The following SOX5 variants were observed in gnomAD, a reference collection of about 807,000 sequenced individuals.
SOX5 encodes transcription factor SOX-5.
In SOX5, 9 loss-of-function variants were observed where a neutral mutation model predicts 92.0. The observed-to-expected ratio is 0.10, with a 90% CI of 0.06 to 0.17. The LOEUF (loss-of-function observed/expected upper bound fraction) is 0.17. SOX5 is among the 10% of genes least tolerant of loss of function. SOX5 has a pLI of 1.00. For missense variants in SOX5, 642 were observed against 944.5 expected, an observed-to-expected ratio of 0.68 and a Z score of 4.20; for synonymous variants, 344 against 336.3, an observed-to-expected ratio of 1.02 and a Z score of -0.25.
At position 23,786,354 on chromosome 12, in the gene SOX5, C is replaced by T. The variant is rs185491061; in HGVS notation, c.482-30630G>A. Among the ~76,000 whole-genome samples, 133 of 152,004 alleles carry T rather than the reference C, an allele frequency of 8.7e-4. 1 individual carries two copies. The highest frequency in any genetic ancestry group is 5.0e-3 in the Admixed American group (76 of 15,268). Reference sequence around the variant, plus strand: ...ATAAAAAGTCCTTGTTTTAAACATACATTTTTCTTTTCAGGAATGATAATT... The same window carrying T: ...ATAAAAAGTCCTTGTTTTAAACATATATTTTTCTTTTCAGGAATGATAATT... On this transcript the variant is annotated intron_variant, in intron 3 of 14. Transcript: ENST00000451604.
At chr12:23,669,833 G>A (rs995372795) in intron 6 of SOX5, among the ~76,000 whole-genome samples, 1 of 152,146 alleles carries the variant, frequency 6.6e-6, no homozygotes, top group Admixed American at 6.6e-5. Context: ...ATATGACGTG[G>A]CTGAGGTGGC....
At chr12:24,001,042 A>C (rs534326826) in intron 4 of SOX5, among the ~76,000 whole-genome samples, 6 of 152,178 alleles carry the variant, frequency 3.9e-5, no homozygotes, top group Non-Finnish European at 8.8e-5. Flanking sequence ...CCATAAAAAA[A>C]GTTTTCATGA....
intron 2 of SOX5, among the ~76,000 whole-genome samples, chr12:23,884,374 A>G (rs1399088215): frequency 6.6e-6 from 1 of 152,228 alleles, no homozygotes; most frequent in Non-Finnish European, 1.5e-5. Flanking sequence ...ACACAAATTA[A>G]TATATTAATA....
chr12:23,668,472 G>T (rs2084215029), intron 6 of SOX5, among the ~76,000 whole-genome samples: 1 of 152,058 alleles, frequency 6.6e-6, no homozygotes, highest in East Asian at 1.9e-4. Flanking sequence ...CCAACATTTG[G>T]GAGAAAAGGA....
chr12:23,642,181 G>A (rs140128867), intron 7 of SOX5, among the ~76,000 whole-genome samples: 13 of 152,212 alleles, frequency 8.5e-5, no homozygotes, highest in East Asian at 1.9e-4. Context: ...GTTTGTGTGC[G>A]TGTCTGAGCA....
At chr12:24,500,716 C>T (rs759337346) in intron 1 of SOX5, among the ~76,000 whole-genome samples, 1 of 152,176 alleles carries the variant, frequency 6.6e-6, no homozygotes, top group Non-Finnish European at 1.5e-5. Context: ...TTCCTTCTCC[C>T]ATTGTTGAGA....
At chr12:24,046,672 C>CTTTTTTT (rs61416662) in intron 4 of SOX5, among the ~76,000 whole-genome samples, 1 of 126,766 alleles carries the variant, frequency 7.9e-6, no homozygotes, top group Admixed American at 8.4e-5. Flanking sequence ...TAAAATGTGT[C>CTTTTTTT]TTTTTTTTTT....
chr12:24,203,427 C>T (rs1448218111), intron 4 of SOX5, among the ~76,000 whole-genome samples: 2 of 152,230 alleles, frequency 1.3e-5, no homozygotes, highest in Non-Finnish European at 2.9e-5. Context: ...ACCAAATGTG[C>T]TCACCACCAC....
At chr12:24,153,901 C>T (rs1951906230) in intron 4 of SOX5, among the ~76,000 whole-genome samples, 1 of 152,068 alleles carries the variant, frequency 6.6e-6, no homozygotes, top group Non-Finnish European at 1.5e-5. Context: ...AAACCCCACT[C>T]AATACGTGTT....
intron 1 of SOX5, among the ~76,000 whole-genome samples, chr12:23,934,269 G>T (rs749188840): frequency 4.0e-5 from 6 of 151,004 alleles, no homozygotes; most frequent in Non-Finnish European, 8.9e-5. Flanking sequence ...TATGAGTCAG[G>T]TAACTCAGAA....
chr12:23,999,191 T>G (rs926322580), intron 4 of SOX5, among the ~76,000 whole-genome samples: 6 of 140,868 alleles, frequency 4.3e-5, no homozygotes, highest in Non-Finnish European at 7.9e-5. Flanking sequence ...ATTGCTTCTC[T>G]TAAGTGATTT....
chr12:24,093,889 T>C (rs1288128286), intron 4 of SOX5, among the ~76,000 whole-genome samples: 1 of 152,188 alleles, frequency 6.6e-6, no homozygotes, highest in Non-Finnish European at 1.5e-5. Flanking sequence ...CAACACTTGG[T>C]ATTTTCAGGC....
At chr12:24,226,075 C>T (rs1254522535) in intron 3 of SOX5, among the ~76,000 whole-genome samples, 1 of 152,170 alleles carries the variant, frequency 6.6e-6, no homozygotes, top group East Asian at 1.9e-4. Flanking sequence ...GTACCATTAA[C>T]AATGATTACC....
chr12:23,861,846 T>C (rs955687751), intron 2 of SOX5, among the ~76,000 whole-genome samples: 1 of 152,172 alleles, frequency 6.6e-6, no homozygotes, highest in African/African-American at 2.4e-5. Context: ...CTATTCATTA[T>C]ACTTAGCAAC....
chr12:23,916,045 A>G (rs1281438232), intron 1 of SOX5, among the ~76,000 whole-genome samples: 1 of 152,214 alleles, frequency 6.6e-6, no homozygotes, highest in Admixed American at 6.5e-5. Context: ...AAACCCAAAA[A>G]GGATGATTTT....
At chr12:23,920,619 A>C (rs1401436357) in intron 1 of SOX5, 6 of 152,216 alleles carry the variant, frequency 3.9e-5, no homozygotes, top group African/African-American at 1.4e-4. Context: ...GAAGAGCTAA[A>C]AGAAAACAAG....
chr12:23,571,138 G>A (rs914627513), intron 10 of SOX5, among the ~76,000 whole-genome samples: 1 of 148,272 alleles, frequency 6.7e-6, no homozygotes, highest in Non-Finnish European at 1.5e-5. Context: ...AACAGAAAGA[G>A]TAAGTTCCTG....
chr12:23,961,744 T>C (rs962262679), intron 4 of SOX5, among the ~76,000 whole-genome samples: 10 of 152,194 alleles, frequency 6.6e-5, no homozygotes, highest in Non-Finnish European at 1.5e-4. Flanking sequence ...CACAGCATTG[T>C]ATGTAGTACC....
chr12:23,899,341 T>C (rs4246219), intron 1 of SOX5, among the ~76,000 whole-genome samples: 151,405 of 151,414 alleles, frequency 1, 75,698 homozygotes, highest in Middle Eastern at 1. Flanking sequence ...GCAGAGGTTG[T>C]AGTGAGCCGA....
Sources: gnomAD v4.1 joint callset for allele counts (sites outside exome capture counted in the v4.1 genomes callset) on GRCh38, gnomAD v4.1.1 for gene constraint, MANE v1.5 for transcripts, NCBI Gene and HGNC (gene_info 2026-07-23, HGNC 2026-07-21) for gene names.